RASL12: variants seen among roughly 807,000 people sequenced by gnomAD.
RASL12 encodes the protein ras-like protein family member 12.
Under a neutral mutation model 22.9 loss-of-function variants are expected in RASL12, and 16 were observed. That is an observed-to-expected ratio of 0.70 (90% CI 0.47 to 1.06). The LOEUF (loss-of-function observed/expected upper bound fraction) is 1.06, where lower values mean the gene tolerates loss of function less well. Ranked by LOEUF, RASL12 falls within the 50% of genes least tolerant of loss-of-function variation. The pLI, the probability that RASL12 is intolerant of heterozygous loss-of-function variation, is 0.00. For synonymous variants in RASL12, 159 were observed against 152.2 expected (o/e 1.04, Z -0.33); for missense variants, 306 against 353.1 (o/e 0.87, Z 1.07).
the RASL12 span, among the ~76,000 whole-genome samples, chr15:65,046,404 A>T: frequency 6.6e-6 from 1 of 152,116 alleles, no homozygotes; most frequent in African/African-American, 2.4e-5. Flanking sequence ...TGGGAGGTGG[A>T]GGTTGCAGTG....
chr15:65,068,938 G>C (rs2140535885), upstream of RASL12, among the ~76,000 whole-genome samples: 1 of 152,348 alleles, frequency 6.6e-6, no homozygotes, highest in East Asian at 1.9e-4. The surrounding 1 kb of genome is among the most constrained non-coding windows in gnomAD (Gnocchi z 4.2). Context: ...GACAGAATCA[G>C]CCCTGGGCTC....
At chr15:65,060,057 T>C (rs1253106338) in intron 2 of RASL12, among the ~76,000 whole-genome samples, 1 of 152,260 alleles carries the variant, frequency 6.6e-6, no homozygotes, top group Non-Finnish European at 1.5e-5. Flanking sequence ...TCTCTGAGGC[T>C]GTTTCCTCAT....
rs2086696634 is a variant in RASL12, at chr15:65,054,253, ACAG to A, written c.*643_*645del. 2 of 985,822 alleles carry A rather than the reference ACAG, an allele frequency of 2.0e-6. No homozygotes were observed. Among genetic ancestry groups the A allele is most frequent in the African/African-American group, 3.5e-5 (2 of 57,238 alleles). 61.1% of individuals were successfully genotyped at this position (985,822 alleles called of 1,614,324 possible). A position where few individuals can be genotyped will look rare whatever the true frequency, so the allele number is the denominator to read the frequency against. On this transcript the variant is annotated 3_prime_UTR_variant, in exon 5 of 5. Coordinates refer to ENST00000220062, the MANE Select transcript of RASL12 (RefSeq NM_016563.4). ...TGGGGCTCCTTATGCTGGACAACCTACAGTCCCTCCCTTTTATCCTCATTGAGA... is the reference window on the plus strand; with the variant it reads ...TGGGGCTCCTTATGCTGGACAACCTATCCCTCCCTTTTATCCTCATTGAGA...
At chr15:65,070,181 T>C (rs929413549), upstream of RASL12, among the ~76,000 whole-genome samples, 5 of 152,180 alleles carry the variant, frequency 3.3e-5, no homozygotes, top group East Asian at 1.9e-4. Flanking sequence ...GGTGGGAAGA[T>C]AGCTTCAGCC....
downstream of RASL12, chr15:65,051,679 G>C: frequency 1.4e-6 from 2 of 1,437,310 alleles, no homozygotes; most frequent in Non-Finnish European, 2.0e-6. Context: ...GGGAAATCTA[G>C]AGAGGGGTCA....
rs755614434 is a variant in RASL12, at chr15:65,055,151, T to C, written c.549A>G (p.Ala183=). 1.2e-6 allele frequency: 2 copies of C among 1,612,454 alleles called. No individual in the cohort carries two copies. Among genetic ancestry groups the C allele is most frequent in the Non-Finnish European group, 8.5e-7 (1 of 1,179,666 alleles). The change falls in exon 5 of 5, where the codon GCA becomes GCG. Residue 183 remains alanine, a synonymous_variant. Coordinates refer to ENST00000220062, the MANE Select transcript of RASL12 (RefSeq NM_016563.4). ...GGGGGCTCTTCTCCAGCTCCCGCCG[T>C]GCCTCTCGCACTGCCTCGTGGAAGA... ...QHVFHEAVRE[A]RRELEKSPLT... is the part of the protein sequence containing the mutation.
upstream of RASL12, among the ~76,000 whole-genome samples, chr15:65,071,064 G>A (rs994642541): frequency 6.6e-6 from 1 of 152,146 alleles, no homozygotes; most frequent in Non-Finnish European, 1.5e-5. Flanking sequence ...GGGCCAGGGC[G>A]TTCCCATCAG....
In RASL12 at chr15:65,067,793, G is replaced by C; in HGVS notation, c.43C>G (p.Gln15Glu). 6.3e-7 allele frequency: 1 copy of C among 1,580,108 alleles called. No individual in the cohort carries two copies. Among genetic ancestry groups the C allele is most frequent in the Non-Finnish European group, 8.6e-7 (1 of 1,166,260 alleles). Residue 15 changes from glutamine (Q) to glutamate (E), a missense_variant, in exon 1 of 5, where the codon CAG (glutamine) becomes GAG (glutamate). Transcript: ENST00000220062. ...AGGTTGACCTCGAGGGGCGCGCTCT[G>C]AGGCCCGCTGCCCGCGCGGGGTTTT... The part of the protein sequence containing the change: ...FGKPRAGSGP[Q>E]SAPLEVNLAI...
chr15:65,070,515 C>T (rs1197449991), upstream of RASL12, among the ~76,000 whole-genome samples: 1 of 152,198 alleles, frequency 6.6e-6, no homozygotes, highest in Non-Finnish European at 1.5e-5. Context: ...ACCCTCTACC[C>T]CCAACCCTCA....
downstream of RASL12, among the ~76,000 whole-genome samples, chr15:65,050,257 G>A (rs1228226405): frequency 6.6e-6 from 1 of 152,182 alleles, no homozygotes; most frequent in Non-Finnish European, 1.5e-5. Context: ...ACCCAGAGGG[G>A]TCTGGCTGGA....
downstream of RASL12, among the ~76,000 whole-genome samples, chr15:65,050,833 C>CTTTTTTTTTTTTTT (rs67418433): frequency 2.6e-3 from 226 of 88,574 alleles, 3 homozygotes; most frequent in Middle Eastern, 9.1e-3. Context: ...TCTTCTTCTT[C>CTTTTTTTTTTTTTT]TTCTTTTTTT....
At chr15:65,048,052 C>T in the RASL12 span, among the ~76,000 whole-genome samples, 1 of 151,956 alleles carries the variant, frequency 6.6e-6, no homozygotes, top group Non-Finnish European at 1.5e-5. Flanking sequence ...GGTGGCATGC[C>T]CTGTAGTCCC....
intron 1 of RASL12, among the ~76,000 whole-genome samples, chr15:65,067,520 G>T (rs2086892594): frequency 6.6e-6 from 1 of 152,170 alleles, no homozygotes; most frequent in African/African-American, 2.4e-5. Flanking sequence ...ACAGAAGACA[G>T]AGATGGTGGA....
rs919728856 is a variant in RASL12, at chr15:65,054,055, A to G, written c.*844T>C. ...GGGGGGCAGGCCCTGTAGCCCCTGGATGGGTCTGATGCTGCTGTGGGCTCC... is the reference window on the plus strand; with the variant it reads ...GGGGGGCAGGCCCTGTAGCCCCTGGGTGGGTCTGATGCTGCTGTGGGCTCC... On this transcript the variant is annotated 3_prime_UTR_variant, in exon 5 of 5. Coordinates refer to ENST00000220062, the MANE Select transcript of RASL12 (RefSeq NM_016563.4). The G allele has an allele frequency of 8.1e-6, 8 of 985,710 alleles. No homozygotes were observed. Among genetic ancestry groups the G allele is most frequent in the Non-Finnish European group, 9.6e-6 (8 of 829,966 alleles). 61.1% of individuals were successfully genotyped at this position (985,710 alleles called of 1,614,324 possible). A position where few individuals can be genotyped will look rare whatever the true frequency, so the allele number is the denominator to read the frequency against.
At chr15:65,067,292 G>A (rs1281292245) in intron 1 of RASL12, among the ~76,000 whole-genome samples, 1 of 152,046 alleles carries the variant, frequency 6.6e-6, no homozygotes, top group Admixed American at 6.6e-5. Flanking sequence ...CCTTGGGTAG[G>A]GGGATCAGTG....
chr15:65,067,018 C>A (rs891026989), intron 1 of RASL12, among the ~76,000 whole-genome samples: 1 of 152,198 alleles, frequency 6.6e-6, no homozygotes, highest in Non-Finnish European at 1.5e-5. Flanking sequence ...GCACCTGGAA[C>A]CATAACCCAA....
chr15:65,059,570 G>A, intron 2 of RASL12, 152 bp from the exon 3 acceptor site: 1 of 650,014 alleles, frequency 1.5e-6, no homozygotes. Flanking sequence ...CACCCACATG[G>A]AGGCTACAGG....
Position 65,065,261 on chromosome 15 carries a change from T to C in RASL12, c.116A>G (p.Lys39Arg). Residue 39 changes from lysine to arginine, a missense_variant, in exon 2 of 5, where the codon AAG becomes AGG. Coordinates refer to ENST00000220062, the MANE Select transcript of RASL12 (RefSeq NM_016563.4). ...RGAGKSALTVKFLTKRFISEY... is the reference protein window; with the variant it reads ...RGAGKSALTVRFLTKRFISEY... Reference sequence around the variant, plus strand: ...ACTGATAAACCTCTTGGTCAGAAACTTCACGGTCAGGGCTGCAAGAAGCAG... The same window carrying C: ...ACTGATAAACCTCTTGGTCAGAAACCTCACGGTCAGGGCTGCAAGAAGCAG... The C allele has an allele frequency of 6.2e-7, 1 of 1,612,468 alleles. No individual in the cohort carries two copies. The highest frequency in any genetic ancestry group is 8.5e-7 in the Non-Finnish European group (1 of 1,179,428).
At chr15:65,052,933 C>G, downstream of RASL12, 1 of 1,359,594 alleles carries the variant, frequency 7.4e-7, no homozygotes, top group Non-Finnish European at 1.0e-6. Context: ...ACCACTCAGC[C>G]CCCCTCATTA....
Sources: gnomAD v4.1 joint callset for allele counts (sites outside exome capture counted in the v4.1 genomes callset) on GRCh38, gnomAD v4.1.1 for gene constraint, Gnocchi (gnomAD v3.1) non-coding constraint, MANE v1.5 for transcripts, NCBI Gene and HGNC (gene_info 2026-07-23, HGNC 2026-07-21) for gene names.